Variants in ALOXE3 observed in about 807,000 individuals in gnomAD.
ALOXE3 encodes hydroperoxide isomerase ALOXE3.
Under a neutral mutation model 87.5 loss-of-function variants are expected in ALOXE3, and 78 were observed. The observed-to-expected ratio is 0.89, with a 90% CI of 0.74 to 1.08. The LOEUF (loss-of-function observed/expected upper bound fraction) is 1.08. ALOXE3 is among the 50% of genes least tolerant of loss of function. The pLI, the probability that ALOXE3 is intolerant of heterozygous loss-of-function variation, is 0.00. For synonymous variants in ALOXE3, 363 were observed against 370.8 expected, an observed-to-expected ratio of 0.98 and a Z score of 0.24; for missense variants, 946 against 912.4, an observed-to-expected ratio of 1.04 and a Z score of -0.47.
At chr17:8,100,682 T>C (rs994005666) in intron 15 of ALOXE3, among the ~76,000 whole-genome samples, 8 of 152,262 alleles carry the variant, frequency 5.3e-5, no homozygotes, top group Non-Finnish European at 1.0e-4. Flanking sequence ...TTCACAGGCA[T>C]GGTCATGCAC....
upstream of ALOXE3, chr17:8,118,836 C>T (rs977725610): frequency 4.6e-6 from 7 of 1,535,804 alleles, no homozygotes; most frequent in Non-Finnish European, 6.1e-6. Flanking sequence ...GCCCAGGTGT[C>T]CGGGATCTGG....
rs751595275 is a variant in ALOXE3 at position 8,114,979 on chromosome 17, A to G, written c.513T>C (p.Phe171=). 5.0e-6 allele frequency: 8 copies of G among 1,614,128 alleles called. No individual in the cohort carries two copies. The highest frequency in any genetic ancestry group is 6.8e-6 in the Non-Finnish European group (8 of 1,180,032). The change falls in exon 5 of 16, where the codon TTT becomes TTC. Residue 171 remains phenylalanine, a synonymous_variant. Coordinates refer to ENST00000448843, the MANE Select transcript of ALOXE3 (RefSeq NM_021628.3). ...CACAAGTTGTCGTCTTTGTCAAGGC[A>G]AATTTCTTGTCTGACTCCATCTCCT... The part of the protein sequence containing the change: ...SFQEMESDKK[F]ALTKTTTCVD...
At chr17:8,109,800 T>TCTCACACCCCAGGTGTC (rs2151838775) in intron 11 of ALOXE3, 116 bp downstream of exon 11, 4 of 1,070,696 alleles carry the variant, frequency 3.7e-6, no homozygotes, top group East Asian at 2.6e-5. Flanking sequence ...GTACAGGTGT[T>TCTCACACCCCAGGTGTC]CTCACACCCC....
In ALOXE3 at chr17:8,108,017, AAGAAAGAAAGAAAG is replaced by A. The variant is rs1310864698; in HGVS notation, c.1684+437_1684+450del. ...AAGGAAGGAAAGAAAGAAAGAAAGA[AAGAAAGAAAGAAAG>A]AAAGAAAGAAAGAAAGAAAGAAAGA... is the stretch of plus-strand genomic sequence containing the variant. On this transcript the variant is annotated intron_variant, in intron 13 of 15. Coordinates refer to ENST00000448843, the MANE Select transcript of ALOXE3 (RefSeq NM_021628.3). 2.4e-4 allele frequency among the ~76,000 whole-genome samples: 27 copies of A among 113,716 alleles called. 6 individuals carry two copies. Among genetic ancestry groups the A allele is most frequent in the African/African-American group, 8.5e-4 (27 of 31,782 alleles). The allele number at this position is 113,716 out of a possible 152,430, so 74.6% of individuals were successfully genotyped here. A position where few individuals can be genotyped will look rare whatever the true frequency, so the allele number is the denominator to read the frequency against.
At chr17:8,107,880 A>G (rs1468106685) in intron 13 of ALOXE3, among the ~76,000 whole-genome samples, 313 of 4,238 alleles carry the variant, frequency 0.074, 89 homozygotes, top group Non-Finnish European at 0.14. Flanking sequence ...AAAGAAAGAA[A>G]GAAAGAAAGA....
Position 8,109,188 on chromosome 17 carries a change from C to T in ALOXE3, c.1548G>A (p.Trp516Ter). 1 of 1,613,684 alleles carries T rather than the reference C, an allele frequency of 6.2e-7. No homozygotes were observed. The highest frequency in any genetic ancestry group is 8.5e-7 in the Non-Finnish European group (1 of 1,180,034). The change falls in exon 12 of 16, where the codon TGG (tryptophan) becomes TGA (stop). Residue 516 changes from tryptophan to a stop codon, truncating the protein, a stop_gained. Coordinates refer to ENST00000448843, the MANE Select transcript of ALOXE3 (RefSeq NM_021628.3). LOFTEE classifies it high-confidence loss of function. ...GCACCTCGCACCTCTCAATGGCCGC[C>T]CAGATCTTCAGGCCGTCGTCTCGGT... ...YHYRDDGLKI[W>*]AAIESFVSEI...
chr17:8,115,587 T>G lies in ALOXE3; in HGVS notation c.434+20A>C. 6.2e-7 allele frequency: 1 copy of G among 1,601,098 alleles called. No individual in the cohort carries two copies. The highest frequency in any genetic ancestry group is 1.3e-5 in the African/African-American group (1 of 74,652). ...GTCAGGATAAAGATGGGGAAAGAAG[T>G]CAAATTAGGCCACCCTCACCGGTAG... On this transcript the variant is annotated intron_variant, in intron 4 of 15. Coordinates refer to ENST00000448843, the MANE Select transcript of ALOXE3 (RefSeq NM_021628.3).
chr17:8,104,358 A>G, intron 13 of ALOXE3, 143 bp from the exon 14 acceptor site: 1 of 674,098 alleles, frequency 1.5e-6, no homozygotes, highest in Non-Finnish European at 2.7e-6. Flanking sequence ...CTGGTTAGGG[A>G]TGGCCACCAC....
intron 3 of ALOXE3, 26 bp downstream of exon 3, chr17:8,116,750 C>T (rs764129128): frequency 1.2e-6 from 2 of 1,609,644 alleles, no homozygotes; most frequent in Admixed American, 1.7e-5. Context: ...TTCTGCAGTA[C>T]AGTGTAGTCC....
Position 8,103,383 on chromosome 17 carries a change from C to T in ALOXE3, c.1896G>A (p.Val632=). The change falls in exon 15 of 16, where the codon GTG becomes GTA. Residue 632 remains valine (V), a synonymous_variant. Transcript: ENST00000448843. ...LKTYLDTLPE[V]NISCNNLLLF... is the part of the protein sequence containing the mutation. ...GGAGGAGGTTGTTACAGCTGATGTT[C>T]ACTTCAGGGAGGGTGTCTAGGTAAG... is the stretch of plus-strand genomic sequence containing the variant. 6.2e-7 allele frequency: 1 copy of T among 1,614,094 alleles called. No homozygotes were observed. Among genetic ancestry groups the T allele is most frequent in the Non-Finnish European group, 8.5e-7 (1 of 1,180,014 alleles).
chr17:8,111,537 A>G lies in ALOXE3; in HGVS notation c.785-6T>C. ...CCAGTGCTCTGTGACATACTCTGGG[A>G]TACAAGAGAGGGGACCAGTTGGTCT... On this transcript the variant is annotated splice_region_variant and splice_polypyrimidine_tract_variant and intron_variant, in intron 7 of 15. Coordinates refer to ENST00000448843, the MANE Select transcript of ALOXE3 (RefSeq NM_021628.3). 1 of 1,614,184 alleles carries G rather than the reference A, an allele frequency of 6.2e-7. No individual in the cohort carries two copies. The highest frequency in any genetic ancestry group is 8.5e-7 in the Non-Finnish European group (1 of 1,180,034).
chr17:8,110,340 G>A, intron 9 of ALOXE3, 45 bp from the exon 10 acceptor site: 6 of 1,609,954 alleles, frequency 3.7e-6, no homozygotes, highest in Non-Finnish European at 4.2e-6. Context: ...CGGGCTGGCG[G>A]TTAGCACCTG....
chr17:8,104,224 G>A lies in ALOXE3; in HGVS notation c.1685-9C>T, dbSNP rs368726611. ...CAGCCGGCTTGGGAAACCTGGGTGT[G>A]GGGAGGAAGGGTAGAGGGTGTGGAT... On this transcript the variant is annotated splice_polypyrimidine_tract_variant and intron_variant, in intron 13 of 15. Coordinates refer to ENST00000448843, the MANE Select transcript of ALOXE3 (RefSeq NM_021628.3). 6.2e-7 allele frequency: 1 copy of A among 1,608,162 alleles called. No individual in the cohort carries two copies.
chr17:8,115,724 C>T (rs769831060), intron 3 of ALOXE3, 36 bp from the exon 4 acceptor site: 1 of 1,586,284 alleles, frequency 6.3e-7, no homozygotes, highest in Non-Finnish European at 8.7e-7. Flanking sequence ...GTATAAGTCT[C>T]TTTTCCAACA....
chr17:8,117,882 G>T lies in ALOXE3; in HGVS notation c.109C>A (p.Arg37=). The T allele has an allele frequency of 7.4e-6, 12 of 1,611,642 alleles. No individual in the cohort carries two copies. The highest frequency in any genetic ancestry group is 9.3e-6 in the Non-Finnish European group (11 of 1,179,584). ...AAGTCCCTGCCCATTCGATCTAGCC[G>T]CTGCTTGGGGCTTTCACCACACGTG... is the stretch of plus-strand genomic sequence containing the variant. The part of the protein sequence containing the change: ...VGTCGESPKQ[R]LDRMGRDFAP... Residue 37 remains arginine, a synonymous_variant, in exon 2 of 16, where the codon CGG becomes AGG. Coordinates refer to ENST00000448843, the MANE Select transcript of ALOXE3 (RefSeq NM_021628.3).
At chr17:8,098,927 C>T (rs1178049201) in intron 15 of ALOXE3, among the ~76,000 whole-genome samples, 1 of 151,918 alleles carries the variant, frequency 6.6e-6, no homozygotes, top group Non-Finnish European at 1.5e-5. Flanking sequence ...CACAGCTTAC[C>T]ACAGCCTTGA....
Position 8,117,876 on chromosome 17 carries a change from C to T in ALOXE3, c.115G>A (p.Asp39Asn), listed in dbSNP as rs949254142. ...GGGGCGAAGTCCCTGCCCATTCGAT[C>T]TAGCCGCTGCTTGGGGCTTTCACCA... ...TCGESPKQRL[D>N]RMGRDFAPGS... is the part of the protein sequence containing the mutation. The change falls in exon 2 of 16, where the codon GAT becomes AAT. Residue 39 changes from aspartate to asparagine, a missense_variant. Transcript: ENST00000448843. The T allele has an allele frequency of 6.2e-7, 1 of 1,611,698 alleles. No individual in the cohort carries two copies. Among genetic ancestry groups the T allele is most frequent in the African/African-American group, 1.3e-5 (1 of 74,988 alleles).
chr17:8,110,837 C>T (rs1007041715), intron 8 of ALOXE3, among the ~76,000 whole-genome samples: 4 of 152,192 alleles, frequency 2.6e-5, no homozygotes, highest in Non-Finnish European at 4.4e-5. Context: ...GACATCTGAG[C>T]ACTATGTATC....
Position 8,110,365 on chromosome 17 carries a change from G to T in ALOXE3, c.1101+20C>A. 4 of 1,604,878 alleles carry T rather than the reference G, an allele frequency of 2.5e-6. No individual in the cohort carries two copies. The South Asian group carries it at 4.4e-5, about 18-fold the overall frequency. ...GTTAGCACCTGAGCCCCCATCCCGG[G>T]GCGGCGGCGCCGGGCTCACCTGGAT... On this transcript the variant is annotated intron_variant, in intron 9 of 15. Coordinates refer to ENST00000448843, the MANE Select transcript of ALOXE3 (RefSeq NM_021628.3).
Sources: gnomAD v4.1 joint callset for allele counts (sites outside exome capture counted in the v4.1 genomes callset) on GRCh38, gnomAD v4.1.1 for gene constraint, MANE v1.5 for transcripts, NCBI Gene and HGNC (gene_info 2026-07-23, HGNC 2026-07-21) for gene names.